SLFN12L: variants seen among roughly 807,000 people sequenced by gnomAD.
SLFN12L encodes the protein schlafen family member 12 like.
Under a neutral mutation model 34.8 loss-of-function variants are expected in SLFN12L, and 34 were observed. The observed-to-expected ratio is 0.98, with a 90% CI of 0.74 to 1.30. The LOEUF is 1.30. Among genes scored for constraint, SLFN12L ranks in the 50% most tolerant of loss-of-function variants. The pLI is 0.00. For synonymous variants in SLFN12L, 259 were observed against 247.5 expected (o/e 1.05, Z -0.44); for missense variants, 703 against 696.2 (o/e 1.01, Z -0.11).
At chr17:35,508,241 G>C (rs555151371) in intron 2 of SLFN12L, among the ~76,000 whole-genome samples, 3 of 152,326 alleles carry the variant, frequency 2.0e-5, no homozygotes, top group African/African-American at 7.2e-5. Context: ...AAAAGGGACA[G>C]GAATTGCTCA....
rs1489315761 is a variant in SLFN12L, at chr17:35,480,208, G to A, written c.87-13C>T. ...CAGAAATTCTTTTCTGTAAAATAGA[G>A]CCGTTAGAATAGGAGTTAAGCCTGA... On this transcript the variant is annotated splice_polypyrimidine_tract_variant and intron_variant, in intron 2 of 4. Transcript: ENST00000628453. 1.9e-6 allele frequency: 3 copies of A among 1,544,222 alleles called. No homozygotes were observed. The East Asian group carries it at 6.9e-5, about 36-fold the overall frequency.
At chr17:35,489,164 G>A (rs982801175) in intron 2 of SLFN12L, among the ~76,000 whole-genome samples, 1 of 152,118 alleles carries the variant, frequency 6.6e-6, no homozygotes, top group African/African-American at 2.4e-5. Context: ...CTGAAGTGAG[G>A]AAACTCTTCT....
chr17:35,475,346 A>C lies in SLFN12L; in HGVS notation c.1416T>G (p.Ser472=), dbSNP rs1461596772. 6.2e-7 allele frequency: 1 copy of C among 1,614,258 alleles called. No homozygotes were observed. The highest frequency in any genetic ancestry group is 8.5e-7 in the Non-Finnish European group (1 of 1,180,050). The change falls in exon 5 of 5, where the codon TCT becomes TCG. Residue 472 remains serine (S), a synonymous_variant. Transcript: ENST00000628453. The part of the protein sequence containing the change: ...KGSLIFSRSW[S]LDLGLQENHK... Reference sequence around the variant, plus strand: ...GGTTCTCTTGCAAGCCCAGATCCAAAGACCAGCTCCTAGAGAAGATCAGTG... The same window carrying C: ...GGTTCTCTTGCAAGCCCAGATCCAACGACCAGCTCCTAGAGAAGATCAGTG...
Position 35,481,829 on chromosome 17 carries a change from T to TTTTG in SLFN12L, c.87-1638_87-1635dup, listed in dbSNP as rs1162196577. On this transcript the variant is annotated intron_variant, in intron 2 of 4. Transcript: ENST00000628453. The stretch of plus-strand genomic sequence containing the variant: ...TGGACCCCACAGATAATATTGGTTT[T>TTTTG]TTTGTTTGTTTGTTTTGTTGTTTGT... Among the ~76,000 whole-genome samples, 213 of 152,318 alleles carry TTTTG rather than the reference T, an allele frequency of 1.4e-3. 3 individuals carry two copies. Among genetic ancestry groups the TTTTG allele is most frequent in the African/African-American group, 4.8e-3 (201 of 41,580 alleles).
intron 2 of SLFN12L, among the ~76,000 whole-genome samples, chr17:35,489,373 G>A (rs1216495745): frequency 1.3e-5 from 2 of 151,778 alleles, no homozygotes; most frequent in African/African-American, 2.4e-5. Context: ...GCAATATAAG[G>A]AGACGTCATC....
intron 1 of SLFN12L, among the ~76,000 whole-genome samples, chr17:35,523,771 C>T (rs1281577305): frequency 1.3e-5 from 2 of 151,912 alleles, no homozygotes; most frequent in Non-Finnish European, 2.9e-5. Context: ...CCTGTTTCTA[C>T]AAAAAATATA....
At chr17:35,480,507 G>C in intron 2 of SLFN12L, 1 of 231,240 alleles carries the variant, frequency 4.3e-6, no homozygotes, top group Non-Finnish European at 8.2e-6. Flanking sequence ...CTTTCTTTAA[G>C]TAAATCCCTG....
chr17:35,486,410 C>T (rs1440605594), intron 2 of SLFN12L, among the ~76,000 whole-genome samples: 1 of 152,144 alleles, frequency 6.6e-6, no homozygotes, highest in African/African-American at 2.4e-5. Flanking sequence ...AAGGAGGGTA[C>T]GCATACCACT....
In SLFN12L at chr17:35,506,818, CA is replaced by C. The variant is rs200284994; in HGVS notation, c.86+15460del. 2.7e-3 allele frequency among the ~76,000 whole-genome samples: 410 copies of C among 152,288 alleles called. 2 individuals carry two copies. Among genetic ancestry groups the C allele is most frequent in the African/African-American group, 9.6e-3 (399 of 41,552 alleles). On this transcript the variant is annotated intron_variant, in intron 2 of 4. Transcript: ENST00000628453. ...TGATAAATTCCCAGCTCAAAAGACTCACCCTGATAACTTCTAGGTCCTAAAA... is the reference window on the plus strand; with the variant it reads ...TGATAAATTCCCAGCTCAAAAGACTCCCCTGATAACTTCTAGGTCCTAAAA...
At chr17:35,482,192 C>G (rs191088708) in intron 2 of SLFN12L, among the ~76,000 whole-genome samples, 1 of 152,334 alleles carries the variant, frequency 6.6e-6, no homozygotes, top group East Asian at 1.9e-4. Context: ...ATACAAAACA[C>G]CTGTGCTCTA....
intron 2 of SLFN12L, among the ~76,000 whole-genome samples, chr17:35,495,948 A>AC (rs1567665575): frequency 3.1e-4 from 41 of 133,922 alleles, no homozygotes; most frequent in African/African-American, 1.1e-3. Flanking sequence ...CACACACACA[A>AC]CAAAACGCCA....
At position 35,475,480 on chromosome 17, in the gene SLFN12L, A is replaced by C. The variant is rs764453271; in HGVS notation, c.1282T>G (p.Ser428Ala). 20 of 1,596,304 alleles carry C rather than the reference A, an allele frequency of 1.3e-5. No individual in the cohort carries two copies. Among genetic ancestry groups the C allele is most frequent in the Non-Finnish European group, 1.5e-5 (18 of 1,173,266 alleles). ...QPLRYHLPGL[S>A]EKITCAPKTF... ...TTTGGAGCACAAGTTATCTTTTCTG[A>C]TAGCCCTAGATGGGGAAATAATGAT... The change falls in exon 5 of 5, where the codon TCA becomes GCA. Residue 428 changes from serine to alanine, a missense_variant. Coordinates refer to ENST00000628453, the MANE Select transcript of SLFN12L (RefSeq NM_001363830.2).
chr17:35,508,214 T>A (rs779756755), intron 2 of SLFN12L, among the ~76,000 whole-genome samples: 1 of 152,220 alleles, frequency 6.6e-6, no homozygotes, highest in South Asian at 2.1e-4. Context: ...TGGACCCCCT[T>A]AGAGCTGTAA....
intron 4 of SLFN12L, 56 bp downstream of exon 4, chr17:35,478,016 GAGA>G: frequency 2.0e-6 from 2 of 1,023,358 alleles, no homozygotes; most frequent in Non-Finnish European, 2.9e-6. Flanking sequence ...CTGGTTTGAA[GAGA>G]AGGAGGTTTG....
At chr17:35,507,788 A>T (rs1915512030) in intron 2 of SLFN12L, among the ~76,000 whole-genome samples, 1 of 152,200 alleles carries the variant, frequency 6.6e-6, no homozygotes. Flanking sequence ...TAGTTTACCA[A>T]AATGCTTCAG....
intron 2 of SLFN12L, chr17:35,500,166 T>A (rs896934262): frequency 2.0e-5 from 3 of 152,234 alleles, no homozygotes; most frequent in Non-Finnish European, 4.4e-5. Flanking sequence ...GTTTTCTGAG[T>A]CTGCGTCCAG....
chr17:35,484,495 C>T (rs1242547676), intron 2 of SLFN12L, among the ~76,000 whole-genome samples: 1 of 152,138 alleles, frequency 6.6e-6, no homozygotes. Flanking sequence ...AAACCATTTC[C>T]AGTGCCAGGT....
At chr17:35,512,460 G>C (rs1292406188) in intron 2 of SLFN12L, among the ~76,000 whole-genome samples, 3 of 151,446 alleles carry the variant, frequency 2.0e-5, no homozygotes, top group Non-Finnish European at 4.4e-5. Context: ...CCGCCTCCCG[G>C]GTTCACACCA....
At chr17:35,479,021 A>G in intron 3 of SLFN12L, 96 bp downstream of exon 3, 2 of 924,992 alleles carry the variant, frequency 2.2e-6, no homozygotes, top group Non-Finnish European at 1.6e-6. Flanking sequence ...TTGAAATTTG[A>G]AGACTTTTAA....
Sources: gnomAD v4.1 joint callset for allele counts (sites outside exome capture counted in the v4.1 genomes callset) on GRCh38, gnomAD v4.1.1 for gene constraint, MANE v1.5 for transcripts, NCBI Gene and HGNC (gene_info 2026-07-23, HGNC 2026-07-21) for gene names.